PLCG2: variants seen among roughly 807,000 people sequenced by gnomAD.
PLCG2 encodes 1-phosphatidylinositol 4,5-bisphosphate phosphodiesterase gamma-2.
In PLCG2, 69 loss-of-function variants were observed where a neutral mutation model predicts 175.6. That is an observed-to-expected ratio of 0.39 (90% CI 0.32 to 0.48). The LOEUF (loss-of-function observed/expected upper bound fraction) is 0.48, where lower values mean the gene tolerates loss of function less well. Ranked by LOEUF, PLCG2 falls within the 20% of genes least tolerant of loss-of-function variation. PLCG2 has a pLI of 0.91. For synonymous variants in PLCG2, 827 were observed against 624.0 expected, an observed-to-expected ratio of 1.33 and a Z score of -4.85; for missense variants, 1,798 against 1,650.9, an observed-to-expected ratio of 1.09 and a Z score of -1.54.
Position 81,869,202 on chromosome 16 carries a change from C to T in PLCG2, c.480-12C>T. Reference sequence around the variant, plus strand: ...CCTCAAGGTGACAGAACTGGGTCTCCCTCTTTTGCAGCATCAGTCTCCGAG... The same window carrying T: ...CCTCAAGGTGACAGAACTGGGTCTCTCTCTTTTGCAGCATCAGTCTCCGAG... On this transcript the variant is annotated splice_polypyrimidine_tract_variant and intron_variant, in intron 5 of 32. Coordinates refer to ENST00000564138, the MANE Select transcript of PLCG2 (RefSeq NM_002661.5). 1 of 1,610,850 alleles carries T rather than the reference C, an allele frequency of 6.2e-7. No individual in the cohort carries two copies. Among genetic ancestry groups the T allele is most frequent in the South Asian group, 1.1e-5 (1 of 91,010 alleles).
chr16:81,876,929 T>G (rs1286166897), intron 7 of PLCG2, among the ~76,000 whole-genome samples: 2 of 152,222 alleles, frequency 1.3e-5, no homozygotes, highest in African/African-American at 4.8e-5. Flanking sequence ...TAGTGTGGGA[T>G]GCTAGAGATT....
intron 5 of PLCG2, among the ~76,000 whole-genome samples, chr16:81,862,010 G>C (rs1001550528): frequency 2.0e-5 from 3 of 152,234 alleles, no homozygotes; most frequent in African/African-American, 7.2e-5. Context: ...CCTGCTCTCT[G>C]TCAACATGTG....
At chr16:81,921,835 T>G (rs1033545316) in intron 21 of PLCG2, among the ~76,000 whole-genome samples, 2 of 152,246 alleles carry the variant, frequency 1.3e-5, no homozygotes, top group Non-Finnish European at 2.9e-5. Context: ...GGGGCCCTGC[T>G]TGTGGGCTCT....
Position 81,959,722 on chromosome 16 carries a change from A to T in PLCG2, c.*1724A>T, listed in dbSNP as rs1911711182. The stretch of plus-strand genomic sequence containing the variant: ...GCTAGGTGAGAAAGGCACTGGGATG[A>T]GTGCTGCAGGCACTCTGTAGCCAGG... On this transcript the variant is annotated 3_prime_UTR_variant, in exon 33 of 33. Coordinates refer to ENST00000564138, the MANE Select transcript of PLCG2 (RefSeq NM_002661.5). 3 of 184,776 alleles carry T rather than the reference A, an allele frequency of 1.6e-5. No homozygotes were observed. The highest frequency in any genetic ancestry group is 3.4e-5 in the Non-Finnish European group (3 of 87,178). The allele number at this position is 184,776 out of a possible 1,614,324, so 11.4% of individuals were successfully genotyped here. A position where few individuals can be genotyped will look rare whatever the true frequency, so the allele number is the denominator to read the frequency against.
At chr16:81,859,738 A>G (rs900963600) in intron 5 of PLCG2, among the ~76,000 whole-genome samples, 3 of 151,988 alleles carry the variant, frequency 2.0e-5, no homozygotes, top group African/African-American at 4.8e-5. Flanking sequence ...GGGTTTCACC[A>G]TGTTCGGCAG....
intron 8 of PLCG2, 129 bp downstream of exon 8, chr16:81,881,082 T>A: frequency 1.2e-6 from 1 of 856,538 alleles, no homozygotes; most frequent in Non-Finnish European, 1.9e-6. Flanking sequence ...GGGCCCCTGC[T>A]GGGGAATTGG....
intron 2 of PLCG2, among the ~76,000 whole-genome samples, chr16:81,805,771 T>TG (rs749338674): frequency 0.36 from 31,792 of 87,550 alleles, 6,066 homozygotes; most frequent in East Asian, 0.8. Context: ...TGTTTTGTTT[T>TG]TTTTTTTTTT....
intron 1 of PLCG2, among the ~76,000 whole-genome samples, chr16:81,741,966 C>T (rs73604535): frequency 0.014 from 2,140 of 152,210 alleles, 43 homozygotes; most frequent in African/African-American, 0.048. Flanking sequence ...TGATGCAGAA[C>T]GCCAGAGCGC....
intron 31 of PLCG2, among the ~76,000 whole-genome samples, chr16:81,947,698 G>C (rs1911204056): frequency 6.6e-6 from 1 of 152,128 alleles, no homozygotes; most frequent in South Asian, 2.1e-4. Flanking sequence ...ACCTTCTGAA[G>C]AAGCCATTTA....
At chr16:81,848,108 A>G (rs1906217680) in intron 2 of PLCG2, among the ~76,000 whole-genome samples, 2 of 152,252 alleles carry the variant, frequency 1.3e-5, no homozygotes, top group Admixed American at 1.3e-4. Flanking sequence ...AGTAATCAGT[A>G]CAGGTGATGT....
At chr16:81,865,404 A>G (rs1907179492) in intron 5 of PLCG2, among the ~76,000 whole-genome samples, 1 of 152,076 alleles carries the variant, frequency 6.6e-6, no homozygotes, top group Non-Finnish European at 1.5e-5. Context: ...CTAGGGAGAA[A>G]GCGGGTGAGG....
chr16:81,790,955 G>A (rs1257203568), intron 2 of PLCG2, among the ~76,000 whole-genome samples: 2 of 152,144 alleles, frequency 1.3e-5, no homozygotes, highest in Non-Finnish European at 2.9e-5. Context: ...AGTGGTGCAG[G>A]GGTTGAGAAA....
chr16:81,770,544 C>G (rs1372102566), intron 2 of PLCG2, among the ~76,000 whole-genome samples: 1 of 152,008 alleles, frequency 6.6e-6, no homozygotes, highest in Non-Finnish European at 1.5e-5. Flanking sequence ...GAAACCTTGT[C>G]TCTATAAATA....
At chr16:81,796,433 C>T (rs1257207202) in intron 2 of PLCG2, among the ~76,000 whole-genome samples, 1 of 152,226 alleles carries the variant, frequency 6.6e-6, no homozygotes, top group Non-Finnish European at 1.5e-5. Flanking sequence ...GCACGGCCAG[C>T]CTTTCCTGGG....
chr16:81,759,967 A>G (rs541003862), intron 2 of PLCG2, among the ~76,000 whole-genome samples: 1 of 152,270 alleles, frequency 6.6e-6, no homozygotes, highest in East Asian at 1.9e-4. Flanking sequence ...TCTACTAAAA[A>G]TACGAAAAAT....
At chr16:81,780,762 C>T (rs1160586023) in intron 1 of PLCG2, among the ~76,000 whole-genome samples, 7 of 152,176 alleles carry the variant, frequency 4.6e-5, no homozygotes, top group Admixed American at 4.6e-4. Flanking sequence ...CACGGTGGCT[C>T]ACACCTGTAA....
At chr16:81,876,415 G>C (rs1056201600) in intron 7 of PLCG2, among the ~76,000 whole-genome samples, 4 of 152,092 alleles carry the variant, frequency 2.6e-5, no homozygotes, top group Admixed American at 6.5e-5. Context: ...GACCAGCTTC[G>C]GTTGTGAAAG....
At chr16:81,952,265 A>T (rs1337245649) in intron 31 of PLCG2, among the ~76,000 whole-genome samples, 1 of 151,540 alleles carries the variant, frequency 6.6e-6, no homozygotes, top group South Asian at 2.1e-4. Flanking sequence ...ATATATATTT[A>T]TATATATATA....
chr16:81,766,575 C>G (rs772556319), intron 2 of PLCG2: 6 of 152,842 alleles, frequency 3.9e-5, no homozygotes, highest in Non-Finnish European at 8.8e-5. Context: ...CCTTCCTCCC[C>G]CATTATATTC....
Sources: gnomAD v4.1 joint callset for allele counts (sites outside exome capture counted in the v4.1 genomes callset) on GRCh38, gnomAD v4.1.1 for gene constraint, MANE v1.5 for transcripts, NCBI Gene and HGNC (gene_info 2026-07-23, HGNC 2026-07-21) for gene names.